Variants in DIS3L2 observed in about 807,000 individuals in gnomAD.
DIS3L2 encodes the protein DIS3-like exonuclease 2.
DIS3L2 carries 34 observed loss-of-function variants against 97.5 expected under a neutral mutation model. That is an observed-to-expected ratio of 0.35 (90% CI 0.27 to 0.46). The LOEUF (loss-of-function observed/expected upper bound fraction) is 0.46. Ranked by LOEUF, DIS3L2 falls within the 20% of genes least tolerant of loss-of-function variation. DIS3L2 has a pLI of 1.00. For synonymous variants in DIS3L2, 435 were observed against 445.2 expected (o/e 0.98, Z 0.29); for missense variants, 1,038 against 1,146.0 (o/e 0.91, Z 1.36).
chr2:232,218,592 C>CA (rs1692411322), intron 10 of DIS3L2, among the ~76,000 whole-genome samples: 1 of 152,156 alleles, frequency 6.6e-6, no homozygotes. Context: ...GGAGGGGCAG[C>CA]AGGACAAGGG....
intron 6 of DIS3L2, among the ~76,000 whole-genome samples, chr2:232,095,514 A>G (rs1022516074): frequency 7.2e-5 from 11 of 152,126 alleles, no homozygotes; most frequent in Non-Finnish European, 1.5e-4. Context: ...AATATTATCT[A>G]TGTCTTGAAT....
At chr2:232,329,785 T>TCCCCGGGCCCCCCC in intron 14 of DIS3L2, 28 bp from the exon 15 acceptor site, 7 of 967,140 alleles carry the variant, frequency 7.2e-6, no homozygotes, top group East Asian at 3.1e-5. Flanking sequence ...ACCCCAGCGG[T>TCCCCGGGCCCCCCC]CCCTCCCATC....
intron 8 of DIS3L2, among the ~76,000 whole-genome samples, chr2:232,161,310 T>A (rs1260842288): frequency 6.6e-6 from 1 of 152,222 alleles, no homozygotes; most frequent in African/African-American, 2.4e-5. Flanking sequence ...TTTTTTAACG[T>A]AGAAGCTTAG....
chr2:231,969,609 C>T (rs1046480720), intron 1 of DIS3L2, among the ~76,000 whole-genome samples: 2 of 152,138 alleles, frequency 1.3e-5, no homozygotes, highest in Non-Finnish European at 2.9e-5. Context: ...CTGCGCCTGG[C>T]GTCCTAGAGC....
intron 13 of DIS3L2, among the ~76,000 whole-genome samples, chr2:232,282,143 A>T (rs991988603): frequency 6.5e-4 from 47 of 71,978 alleles, no homozygotes; most frequent in African/African-American, 1.2e-3. Flanking sequence ...TCGTTTATTT[A>T]AAAAAAAAAA....
chr2:232,233,923 G>A (rs1432959638), intron 10 of DIS3L2, among the ~76,000 whole-genome samples: 1 of 152,170 alleles, frequency 6.6e-6, no homozygotes, highest in East Asian at 1.9e-4. Flanking sequence ...GACTGACAAC[G>A]GGAACCAAAA....
intron 8 of DIS3L2, among the ~76,000 whole-genome samples, chr2:232,140,067 C>T (rs911835386): frequency 6.6e-6 from 1 of 152,120 alleles, no homozygotes; most frequent in Non-Finnish European, 1.5e-5. Flanking sequence ...TCTTCACTAT[C>T]GAAAATCAAA....
intron 6 of DIS3L2, among the ~76,000 whole-genome samples, chr2:232,099,754 T>A (rs1025721825): frequency 6.6e-6 from 1 of 152,230 alleles, no homozygotes; most frequent in Non-Finnish European, 1.5e-5. Context: ...ATCCCTATTA[T>A]ACTAATTGGT....
intron 16 of DIS3L2, 84 bp from the exon 17 acceptor site, chr2:232,333,756 G>GAAATT: frequency 1.5e-5 from 23 of 1,487,160 alleles, no homozygotes; most frequent in Admixed American, 1.1e-4. Context: ...CGCTGCCGAC[G>GAAATT]GTGAGGCTGT....
At chr2:232,300,628 T>C (rs188754912) in intron 14 of DIS3L2, among the ~76,000 whole-genome samples, 12 of 151,060 alleles carry the variant, frequency 7.9e-5, no homozygotes, top group Admixed American at 5.3e-4. Flanking sequence ...TCATAGCACC[T>C]CCTTTCCACA....
chr2:232,287,740 G>A (rs1694485185), intron 13 of DIS3L2, among the ~76,000 whole-genome samples: 1 of 151,878 alleles, frequency 6.6e-6, no homozygotes. Context: ...CCCTCCATTT[G>A]GTCTTTGTAT....
intron 12 of DIS3L2, among the ~76,000 whole-genome samples, chr2:232,252,986 C>T (rs1353583313): frequency 1.3e-5 from 2 of 152,140 alleles, no homozygotes; most frequent in Non-Finnish European, 2.9e-5. Context: ...CTCATCTCCC[C>T]AAAATACCCA....
rs66518544 is a variant in DIS3L2 at position 232,074,571 on chromosome 2, C to CTTTTTTT, written c.367-12902_367-12896dup. The stretch of plus-strand genomic sequence containing the variant: ...ATGAAATATAGCCCCATCAAGGAAC[C>CTTTTTTT]TTTTTTTTTTTTTTTTTTTTGCTTT... On this transcript the variant is annotated intron_variant, in intron 5 of 20. Transcript: ENST00000325385. 6.7e-5 allele frequency among the ~76,000 whole-genome samples: 7 copies of CTTTTTTT among 104,166 alleles called. 2 individuals carry two copies. Among genetic ancestry groups the CTTTTTTT allele is most frequent in the African/African-American group, 1.5e-4 (4 of 26,958 alleles). 68.3% of individuals were successfully genotyped at this position (104,166 alleles called of 152,430 possible).
In DIS3L2 at chr2:232,249,440, C is replaced by T. The variant is rs1693360368; in HGVS notation, c.1425+94C>T. On this transcript the variant is annotated intron_variant, in intron 12 of 20. Coordinates refer to ENST00000325385, the MANE Select transcript of DIS3L2 (RefSeq NM_152383.5). The stretch of plus-strand genomic sequence containing the variant: ...ATGTGCCTGGCACTGGCTTGGGTGC[C>T]ATGGTGGTAAGACAAGGGAGGTATG... The T allele has an allele frequency of 5.3e-6, 7 of 1,321,598 alleles. No homozygotes were observed. The South Asian group carries it at 6.4e-5, about 12-fold the overall frequency. The allele number at this position is 1,321,598 out of a possible 1,614,324, so 81.9% of individuals were successfully genotyped here.
intron 13 of DIS3L2, among the ~76,000 whole-genome samples, chr2:232,277,824 C>T (rs1694181475): frequency 1.3e-5 from 2 of 152,220 alleles, no homozygotes; most frequent in African/African-American, 4.8e-5. Flanking sequence ...GTGGTTTACA[C>T]AGTTGCTGCT....
chr2:232,311,087 C>A (rs1695116200), intron 14 of DIS3L2, among the ~76,000 whole-genome samples: 1 of 152,190 alleles, frequency 6.6e-6, no homozygotes, highest in Admixed American at 6.5e-5. Context: ...GCTCAGGACC[C>A]TTTGTAGAAA....
At chr2:232,105,943 G>A (rs544276230) in intron 6 of DIS3L2, among the ~76,000 whole-genome samples, 120 of 152,236 alleles carry the variant, frequency 7.9e-4, no homozygotes, top group African/African-American at 2.8e-3. Context: ...TGCAGTTTTA[G>A]CTTTATACTA....
rs1159140399 is a variant in DIS3L2 at position 232,086,613 on chromosome 2, GTA to G, written c.367-859_367-858del. On this transcript the variant is annotated intron_variant, in intron 5 of 20. Transcript: ENST00000325385. ...TATATATATATATATGTGTGTGTGT[GTA>G]TATATATATATATACACATATATAT... 4.5e-4 allele frequency among the ~76,000 whole-genome samples: 47 copies of G among 103,758 alleles called. 3 individuals are homozygous for G. The highest frequency in any genetic ancestry group is 4.6e-3 in the Middle Eastern group (1 of 218). The allele number at this position is 103,758 out of a possible 152,430, so 68.1% of individuals were successfully genotyped here. A position where few individuals can be genotyped will look rare whatever the true frequency, so the allele number is the denominator to read the frequency against.
At chr2:232,278,967 C>T (rs62199214) in intron 13 of DIS3L2, among the ~76,000 whole-genome samples, 458 of 152,258 alleles carry the variant, frequency 3.0e-3, no homozygotes, top group Non-Finnish European at 5.5e-3. Context: ...GATGGAGTTT[C>T]GCTCTTGTTG....
Sources: allele counts gnomAD v4.1 joint callset (sites outside exome capture counted in the v4.1 genomes callset), GRCh38; gene constraint gnomAD v4.1.1; transcripts MANE v1.5; gene names NCBI Gene and HGNC (gene_info 2026-07-23, HGNC 2026-07-21).